Variants in GSE1 observed in about 807,000 individuals in gnomAD.
GSE1 encodes the protein genetic suppressor element 1.
In GSE1, 32 loss-of-function variants were observed where a neutral mutation model predicts 112.6. The ratio of observed to expected loss-of-function variants is 0.28; its 90% CI spans 0.21 to 0.38. The LOEUF is 0.38. Among genes scored for constraint, GSE1 ranks in the 10% least tolerant of loss-of-function variants. GSE1 has a pLI of 1.00. For missense variants in GSE1, 2,348 were observed against 1,699.2 expected (o/e 1.38, Z -6.71); for synonymous variants, 1,115 against 735.6 (o/e 1.52, Z -8.35).
At chr16:85,207,779 C>G (rs1240546735) in intron 1 of GSE1, 1 of 152,312 alleles carries the variant, frequency 6.6e-6, no homozygotes, top group Non-Finnish European at 1.5e-5. Flanking sequence ...TGGGTCGCCA[C>G]TGATTCACTC....
intron 2 of GSE1, among the ~76,000 whole-genome samples, chr16:85,358,212 C>T (rs1433586060): frequency 1.3e-5 from 2 of 152,178 alleles, no homozygotes; most frequent in African/African-American, 4.8e-5. Context: ...TCCCTGAGGC[C>T]AGGCGAGGCT....
intron 2 of GSE1, among the ~76,000 whole-genome samples, chr16:85,643,659 A>G (rs2050625083): frequency 6.6e-6 from 1 of 152,216 alleles, no homozygotes; most frequent in African/African-American, 2.4e-5. Flanking sequence ...GTCTCTGTGC[A>G]TCCCCTTATG....
Position 85,654,459 on chromosome 16 carries a change from G to A in GSE1, c.599+9G>A. ...CGCTTCCCGCCACTCAAGTAAGTTG[G>A]TCGGCGGGGACTTCGGTGAGGTGGC... On this transcript the variant is annotated intron_variant, in intron 4 of 15. Coordinates refer to ENST00000253458, the MANE Select transcript of GSE1 (RefSeq NM_014615.5). 3 of 1,557,298 alleles carry A rather than the reference G, an allele frequency of 1.9e-6. No individual in the cohort carries two copies. Among genetic ancestry groups the A allele is most frequent in the Non-Finnish European group, 1.7e-6 (2 of 1,150,590 alleles).
intron 2 of GSE1, among the ~76,000 whole-genome samples, chr16:85,464,748 C>T (rs996794029): frequency 1.3e-5 from 2 of 152,228 alleles, no homozygotes; most frequent in Non-Finnish European, 2.9e-5. Flanking sequence ...AGGCCACCTG[C>T]GTGGAGCTGG....
In GSE1 at chr16:85,294,670, T is replaced by C. The variant is rs867290970; in HGVS notation, c.2284-62793T>C. Among the ~76,000 whole-genome samples the C allele has an allele frequency of 3.6e-3, 352 of 98,702 alleles. 2 individuals carry two copies. The highest frequency in any genetic ancestry group is 0.013 in the African/African-American group (323 of 24,242). 64.8% of individuals were successfully genotyped at this position (98,702 alleles called of 152,430 possible). On this transcript the variant is annotated intron_variant, in intron 1 of 2. Coordinates refer to the GSE1 transcript ENST00000637419. ...CTCTCTCTCTCTCTGTCTCTCTCTC[T>C]CCCCCCCCTTCCCTCCCTCCCCACC...
At chr16:85,497,343 A>G (rs1257374662) in intron 2 of GSE1, among the ~76,000 whole-genome samples, 4 of 152,174 alleles carry the variant, frequency 2.6e-5, no homozygotes, top group Non-Finnish European at 5.9e-5. Context: ...CCCAGATCCT[A>G]GCACATGTGG....
At position 85,672,505 on chromosome 16, in the gene GSE1, G is replaced by T. The variant is rs1215906809; in HGVS notation, c.3620G>T (p.Trp1207Leu). 6.2e-7 allele frequency: 1 copy of T among 1,611,486 alleles called. No homozygotes were observed. The highest frequency in any genetic ancestry group is 1.7e-5 in the Admixed American group (1 of 59,976). Residue 1207 changes from tryptophan to leucine, a missense_variant, in exon 16 of 16, where the codon TGG becomes TTG. Coordinates refer to ENST00000253458, the MANE Select transcript of GSE1 (RefSeq NM_014615.5). ...TGCCTTGCCTTGCCTGCAATGCACT[G>T]GCCTAGGGGCTACCTGAAGGGATAT... Reference protein sequence around the residue: ...RKCLALPAMHWPRGYLKGYPR With the variant: ...RKCLALPAMHLPRGYLKGYPR
chr16:85,326,328 C>A (rs902259659), intron 1 of GSE1, among the ~76,000 whole-genome samples: 2 of 152,170 alleles, frequency 1.3e-5, no homozygotes, highest in Admixed American at 1.3e-4. Context: ...CATGTCTGTG[C>A]CTCAGTGAAC....
In GSE1 at chr16:85,661,207, C is replaced by T. The variant is rs2052400954; in HGVS notation, c.1702C>T (p.Pro568Ser). ...RDPPQHFGGP[P>S]PLISPKPQLH... Reference sequence around the variant, plus strand: ...CCCTCCGCAGCACTTTGGGGGGCCACCACCTCTGATTTCGCCCAAGCCCCA... The same window carrying T: ...CCCTCCGCAGCACTTTGGGGGGCCATCACCTCTGATTTCGCCCAAGCCCCA... The change falls in exon 9 of 16, where the codon CCA (proline) becomes TCA (serine). Residue 568 changes from proline (P) to serine (S), a missense_variant. By Grantham distance (74) the Pro-to-Ser change is moderately conservative (BLOSUM62 -1). Transcript: ENST00000253458. The T allele has an allele frequency of 6.2e-7, 1 of 1,607,064 alleles. No individual in the cohort carries two copies. Among genetic ancestry groups the T allele is most frequent in the Non-Finnish European group, 8.5e-7 (1 of 1,175,278 alleles).
At chr16:85,465,233 G>A (rs879524366) in intron 2 of GSE1, among the ~76,000 whole-genome samples, 25 of 152,204 alleles carry the variant, frequency 1.6e-4, no homozygotes, top group African/African-American at 5.1e-4. Context: ...GGCTGCCCCC[G>A]CCCACCTGGA....
rs548563835 is a variant in GSE1, at chr16:85,437,514, G to A, written c.2464+79871G>A. On this transcript the variant is annotated intron_variant, in intron 2 of 2. Transcript: ENST00000637419. ...CGGCACCCACACCCACCCTGGGGGAGGAGGGAGCTACGTGTTTGCACAGCC... is the reference window on the plus strand; with the variant it reads ...CGGCACCCACACCCACCCTGGGGGAAGAGGGAGCTACGTGTTTGCACAGCC... Among the ~76,000 whole-genome samples the A allele has an allele frequency of 1.1e-3, 169 of 152,178 alleles. 1 individual carries two copies. Among genetic ancestry groups the A allele is most frequent in the African/African-American group, 3.7e-3 (153 of 41,522 alleles).
chr16:85,532,822 G>T (rs1202335244), intron 2 of GSE1, among the ~76,000 whole-genome samples: 1 of 152,208 alleles, frequency 6.6e-6, no homozygotes, highest in African/African-American at 2.4e-5. Context: ...GTAGGCAGAG[G>T]GCTCCAGAAC....
At chr16:85,624,661 G>C (rs1472995008) in intron 1 of GSE1, among the ~76,000 whole-genome samples, 2 of 152,342 alleles carry the variant, frequency 1.3e-5, no homozygotes, top group East Asian at 3.9e-4. Flanking sequence ...ATGTGACCCG[G>C]GTTGAGGGCG....
At chr16:85,635,842 C>T (rs1217146741) in intron 2 of GSE1, among the ~76,000 whole-genome samples, 2 of 152,220 alleles carry the variant, frequency 1.3e-5, no homozygotes, top group Admixed American at 6.5e-5. Context: ...CAGGAAAGGG[C>T]AGGTTTCCCT....
intron 2 of GSE1, among the ~76,000 whole-genome samples, chr16:85,646,042 C>T (rs2050833974): frequency 6.8e-6 from 1 of 147,276 alleles, no homozygotes; most frequent in Non-Finnish European, 1.5e-5. Flanking sequence ...ATGCATTCTA[C>T]CTGCTTCTAC....
chr16:85,352,912 T>G (rs77889973), intron 1 of GSE1, among the ~76,000 whole-genome samples: 1,702 of 152,354 alleles, frequency 0.011, 34 homozygotes, highest in African/African-American at 0.039. Flanking sequence ...TCCCTCTGTT[T>G]CTGACACACA....
At chr16:85,176,866 G>A (rs927303107) in intron 1 of GSE1, among the ~76,000 whole-genome samples, 3 of 152,224 alleles carry the variant, frequency 2.0e-5, no homozygotes, top group African/African-American at 7.2e-5. Flanking sequence ...GACTATCTGC[G>A]CCCACGCAGT....
At position 85,674,438 on chromosome 16, in the gene GSE1, G is replaced by GACAA. The variant is rs1359939207; in HGVS notation, c.*1902_*1903insAACA. 1.3e-5 allele frequency: 2 copies of GACAA among 152,212 alleles called. No homozygotes were observed. The highest frequency in any genetic ancestry group is 3.8e-4 in the East Asian group (2 of 5,198). The allele number at this position is 152,212 out of a possible 1,614,324, so 9.4% of individuals were successfully genotyped here. Reference sequence around the variant, plus strand: ...CTGTGCTGCAGGCCTCCCCTCGAAAGACACTGGGAGGTCAGCATGTTCCAC... The same window carrying GACAA: ...CTGTGCTGCAGGCCTCCCCTCGAAAGACAAACACTGGGAGGTCAGCATGTTCCAC... On this transcript the variant is annotated 3_prime_UTR_variant, in exon 16 of 16. Transcript: ENST00000253458.
chr16:85,591,131 T>C (rs1474638027), intron 1 of GSE1, among the ~76,000 whole-genome samples: 2 of 152,158 alleles, frequency 1.3e-5, no homozygotes, highest in African/African-American at 4.8e-5. Flanking sequence ...CTGACATTGG[T>C]GGCAAAATTG....
Sources: gnomAD v4.1 joint callset for allele counts (sites outside exome capture counted in the v4.1 genomes callset) on GRCh38, gnomAD v4.1.1 for gene constraint, MANE v1.5 for transcripts, NCBI Gene and HGNC (gene_info 2026-07-23, HGNC 2026-07-21) for gene names.